Variants in AS3MT observed in about 807,000 individuals in gnomAD.
AS3MT encodes S-adenosyl-L-methionine:arsenic(III) methyltransferase.
AS3MT carries 47 observed loss-of-function variants against 45.3 expected under a neutral mutation model. That is an observed-to-expected ratio of 1.04 (90% CI 0.82 to 1.32). AS3MT has a LOEUF of 1.32. Ranked by LOEUF, AS3MT falls within the 40% of genes most tolerant of loss-of-function variation. The pLI, the probability that AS3MT is intolerant of heterozygous loss-of-function variation, is 0.00. For missense variants in AS3MT, 396 were observed against 451.1 expected (o/e 0.88, Z 1.11); for synonymous variants, 141 against 152.8 (o/e 0.92, Z 0.57).
At chr10:102,887,060 T>A (rs1436918700) in intron 9 of AS3MT, among the ~76,000 whole-genome samples, 1 of 152,220 alleles carries the variant, frequency 6.6e-6, no homozygotes, top group African/African-American at 2.4e-5. Context: ...ATATTTTAAA[T>A]TTTTCTCCTA....
In AS3MT at chr10:102,871,724, T is replaced by C. The variant is rs1007103841; in HGVS notation, c.171-724T>C. On this transcript the variant is annotated intron_variant, in intron 3 of 10. Coordinates refer to ENST00000369880, the MANE Select transcript of AS3MT (RefSeq NM_020682.4). Reference sequence around the variant, plus strand: ...GCCTGGGCGACAGAGCGAGACTCCGTCTCAAACAAAACAAAACAAAACAAA... The same window carrying C: ...GCCTGGGCGACAGAGCGAGACTCCGCCTCAAACAAAACAAAACAAAACAAA... 2.4e-5 allele frequency among the ~76,000 whole-genome samples: 3 copies of C among 125,300 alleles called. No homozygotes were observed. In the Admixed American group the frequency reaches 2.6e-4, roughly 11 times the overall value. The allele number at this position is 125,300 out of a possible 152,430, so 82.2% of individuals were successfully genotyped here. A position where few individuals can be genotyped will look rare whatever the true frequency, so the allele number is the denominator to read the frequency against.
In AS3MT at chr10:102,890,684, T is replaced by A. The variant is rs746944241; in HGVS notation, c.1020+6T>A. The A allele has an allele frequency of 6.2e-7, 1 of 1,602,652 alleles. No individual in the cohort carries two copies. The stretch of plus-strand genomic sequence containing the variant: ...GTTCTGCTTTGGAGTTAAAGGTTAG[T>A]TTGGCTTTCACTACCTGAGAGAACT... On this transcript the variant is annotated splice_donor_region_variant and intron_variant, in intron 10 of 10. Transcript: ENST00000369880.
intron 4 of AS3MT, 43 bp from the exon 5 acceptor site, chr10:102,873,053 AT>A: frequency 2.0e-6 from 3 of 1,492,280 alleles, no homozygotes; most frequent in Non-Finnish European, 2.7e-6. Flanking sequence ...AAAGTTGTGT[AT>A]TTTTTTCAAA....
intron 9 of AS3MT, among the ~76,000 whole-genome samples, chr10:102,889,927 C>T (rs1299386711): frequency 6.6e-6 from 1 of 152,076 alleles, no homozygotes; most frequent in African/African-American, 2.4e-5. Context: ...CCACCTGCCT[C>T]AGCCTCCCAA....
intron 9 of AS3MT, among the ~76,000 whole-genome samples, chr10:102,882,283 C>T (rs1254952772): frequency 6.6e-6 from 1 of 152,056 alleles, no homozygotes; most frequent in African/African-American, 2.4e-5. Context: ...AACTCCTGGC[C>T]TCAAGCAATT....
intron 3 of AS3MT, 51 bp from the exon 4 acceptor site, chr10:102,872,397 T>G (rs771414706): frequency 1.7e-5 from 27 of 1,593,976 alleles, no homozygotes; most frequent in Non-Finnish European, 2.2e-5. Flanking sequence ...GATTTAGTGG[T>G]TTCATGTCTT....
At chr10:102,900,181 C>G (rs532797216) in intron 10 of AS3MT, among the ~76,000 whole-genome samples, 37 of 152,358 alleles carry the variant, frequency 2.4e-4, no homozygotes, top group African/African-American at 8.7e-4. Flanking sequence ...CTAGTGACAG[C>G]CCTACATCTG....
Position 102,890,603 on chromosome 10 carries a change from T to C in AS3MT, c.945T>C (p.Phe315=), listed in dbSNP as rs369644096. The change falls in exon 10 of 11, where the codon TTT becomes TTC. Residue 315 remains phenylalanine, a synonymous_variant. Coordinates refer to ENST00000369880, the MANE Select transcript of AS3MT (RefSeq NM_020682.4). Reference sequence around the variant, plus strand: ...CAGCTATCTTGAAGAATTCAAGATTTGCTCAAGATTTTCTGATCAGACCAA... The same window carrying C: ...CAGCTATCTTGAAGAATTCAAGATTCGCTCAAGATTTTCTGATCAGACCAA... ...ETAAILKNSR[F]AQDFLIRPIG... 3.2e-5 allele frequency: 51 copies of C among 1,612,478 alleles called. No homozygotes were observed. In the African/African-American group the frequency reaches 5.9e-4, roughly 19 times the overall value.
intron 9 of AS3MT, among the ~76,000 whole-genome samples, chr10:102,885,508 T>TCACATGTTGGCAAGGC (rs1564793629): frequency 0.014 from 239 of 16,744 alleles, 2 homozygotes; most frequent in Middle Eastern, 0.033. Context: ...TTTTTTTTTT[T>TCACATGTTGGCAAGGC]TTTTTTTTTT....
rs1357620491 is a variant in AS3MT at position 102,881,838 on chromosome 10, C to T, written c.885+2847C>T. The stretch of plus-strand genomic sequence containing the variant: ...GTAACCTCAAACTCCTGGGCTCAAG[C>T]GATTCTCCCATCTCAGCCTCCCAAG... On this transcript the variant is annotated intron_variant, in intron 9 of 10. Coordinates refer to ENST00000369880, the MANE Select transcript of AS3MT (RefSeq NM_020682.4). This position sits in a 1 kb window ranked among gnomAD's most constrained non-coding sequence, Gnocchi z 4.2. Among the ~76,000 whole-genome samples, 3 of 152,088 alleles carry T rather than the reference C, an allele frequency of 2.0e-5. No homozygotes were observed. The highest frequency in any genetic ancestry group is 2.9e-5 in the Non-Finnish European group (2 of 68,006).
rs984601198 is a variant in AS3MT at position 102,871,708 on chromosome 10, A to G, written c.171-740A>G. Among the ~76,000 whole-genome samples, 17 of 148,404 alleles carry G rather than the reference A, an allele frequency of 1.1e-4. No individual in the cohort carries two copies. In the South Asian group the frequency reaches 1.3e-3, roughly 11 times the overall value. On this transcript the variant is annotated intron_variant, in intron 3 of 10. Transcript: ENST00000369880. The stretch of plus-strand genomic sequence containing the variant: ...GCGCCACTGCACTCCAGCCTGGGCG[A>G]CAGAGCGAGACTCCGTCTCAAACAA...
Position 102,890,535 on chromosome 10 carries a change from A to G in AS3MT, c.886-9A>G, listed in dbSNP as rs1183014054. On this transcript the variant is annotated splice_polypyrimidine_tract_variant and intron_variant, in intron 9 of 10. Transcript: ENST00000369880. ...AACTCTTAGTATTTTTTTTTATACT[A>G]CCCTTTAGGAAGGTGAAATTGTTGA... 1.3e-6 allele frequency: 2 copies of G among 1,577,096 alleles called. No homozygotes were observed. The highest frequency in any genetic ancestry group is 2.8e-5 in the African/African-American group (2 of 72,502).
rs539598706 is a variant in AS3MT at position 102,869,992 on chromosome 10, A to AGTGGAG, written c.43-81_43-76dup. On this transcript the variant is annotated intron_variant, in intron 2 of 10. Transcript: ENST00000369880. ...CTTTCCAGGGAACTGAGGTCGGCCAAGTGGAGGTGGAGGTGGTGACGGAGC... is the reference window on the plus strand; with the variant it reads ...CTTTCCAGGGAACTGAGGTCGGCCAAGTGGAGGTGGAGGTGGAGGTGGTGACGGAGC... 761 of 1,570,666 alleles carry AGTGGAG rather than the reference A, an allele frequency of 4.8e-4. 2 individuals carry two copies. The African/African-American group carries it at 8.9e-3, about 18-fold the overall frequency.
Position 102,874,672 on chromosome 10 carries a change from G to A in AS3MT, c.528+11G>A, listed in dbSNP as rs773528908. The A allele has an allele frequency of 6.3e-7, 1 of 1,593,274 alleles. No individual in the cohort carries two copies. The highest frequency in any genetic ancestry group is 8.6e-7 in the Non-Finnish European group (1 of 1,164,702). On this transcript the variant is annotated intron_variant, in intron 6 of 10. Coordinates refer to ENST00000369880, the MANE Select transcript of AS3MT (RefSeq NM_020682.4). ...TATCGGGTGCTGAAGGTGAGGAGGA[G>A]AGTGAGATAAATTATCTTTGAACAT...
intron 7 of AS3MT, among the ~76,000 whole-genome samples, chr10:102,877,555 G>T (rs1411890393): frequency 7.9e-6 from 1 of 126,906 alleles, no homozygotes; most frequent in Non-Finnish European, 1.6e-5. Context: ...AAGTTGGAAA[G>T]TGCCAAAAAA....
chr10:102,877,447 A>C (rs1021696265), intron 7 of AS3MT, among the ~76,000 whole-genome samples: 3 of 151,856 alleles, frequency 2.0e-5, no homozygotes, highest in African/African-American at 7.3e-5. Flanking sequence ...GTTGAGATAA[A>C]TGCATGCTTT....
At chr10:102,894,198 G>T (rs1590230470) in intron 10 of AS3MT, among the ~76,000 whole-genome samples, 1 of 152,154 alleles carries the variant, frequency 6.6e-6, no homozygotes, top group African/African-American at 2.4e-5. Flanking sequence ...GGCCGAGGCG[G>T]GTGGATCACA....
intron 5 of AS3MT, among the ~76,000 whole-genome samples, chr10:102,874,189 G>T (rs923308680): frequency 5.3e-5 from 8 of 151,772 alleles, no homozygotes; most frequent in African/African-American, 1.7e-4. Flanking sequence ...GGAGGCGGAG[G>T]TTGCAATGAG....
intron 2 of AS3MT, 106 bp downstream of exon 2, chr10:102,869,951 G>A: frequency 4.5e-6 from 7 of 1,567,890 alleles, no homozygotes; most frequent in Non-Finnish European, 6.1e-6. Flanking sequence ...GGGTAGGGCA[G>A]GGTCTAGGCT....
Sources: allele counts gnomAD v4.1 joint callset (sites outside exome capture counted in the v4.1 genomes callset), GRCh38; gene constraint gnomAD v4.1.1; non-coding constraint Gnocchi (gnomAD v3.1); transcripts MANE v1.5; gene names NCBI Gene and HGNC (gene_info 2026-07-23, HGNC 2026-07-21).